The following RASA1 variants were observed in gnomAD, a reference collection of about 807,000 sequenced individuals.
RASA1 encodes the protein RAS p21 protein activator 1.
RASA1 carries 25 observed loss-of-function variants against 132.2 expected under a neutral mutation model. The ratio of observed to expected loss-of-function variants is 0.19; its 90% CI spans 0.14 to 0.26. The LOEUF (loss-of-function observed/expected upper bound fraction) is 0.26. Ranked by LOEUF, RASA1 falls within the 10% of genes least tolerant of loss-of-function variation. The probability of loss-of-function intolerance (pLI) is 1.00; values close to 1 mark genes in which losing one functional copy is unlikely to be tolerated. For synonymous variants in RASA1, 477 were observed against 449.9 expected (o/e 1.06, Z -0.76); for missense variants, 964 against 1,299.2 (o/e 0.74, Z 3.97).
intron 17 of RASA1, 106 bp from the exon 18 acceptor site, chr5:87,378,290 T>G: frequency 7.5e-7 from 1 of 1,337,176 alleles, no homozygotes; most frequent in East Asian, 2.3e-5. Context: ...AAAAGCACAT[T>G]TAAGTGGCTA....
chr5:87,311,442 A>G (rs1367885077), intron 1 of RASA1, among the ~76,000 whole-genome samples: 1 of 152,202 alleles, frequency 6.6e-6, no homozygotes, highest in Non-Finnish European at 1.5e-5. Context: ...GTGATTTTCT[A>G]GAAGGACTAA....
intron 9 of RASA1, among the ~76,000 whole-genome samples, chr5:87,357,180 C>T (rs970064980): frequency 7.9e-5 from 12 of 151,314 alleles, no homozygotes; most frequent in African/African-American, 2.2e-4. Context: ...TTTTTATTAC[C>T]GCAGAGTAAT....
At chr5:87,293,923 T>G (rs1411392470) in intron 1 of RASA1, among the ~76,000 whole-genome samples, 1 of 152,146 alleles carries the variant, frequency 6.6e-6, no homozygotes, top group Non-Finnish European at 1.5e-5. Context: ...AGTAAAGATC[T>G]TCTCTTTCAG....
At chr5:87,343,554 A>G (rs1160370955) in intron 6 of RASA1, among the ~76,000 whole-genome samples, 1 of 152,226 alleles carries the variant, frequency 6.6e-6, no homozygotes, top group Admixed American at 6.5e-5. Flanking sequence ...GCTTTTATCC[A>G]AAAGATAGGC....
At chr5:87,279,146 G>A (rs1754202723) in intron 1 of RASA1, among the ~76,000 whole-genome samples, 1 of 152,142 alleles carries the variant, frequency 6.6e-6, no homozygotes, top group Non-Finnish European at 1.5e-5. Context: ...AGGAGGCTGA[G>A]GTGGGAGGAT....
In RASA1 at chr5:87,268,333, T is replaced by G; in HGVS notation, c.-119T>G. On this transcript the variant is annotated 5_prime_UTR_variant, in exon 1 of 25. Coordinates refer to ENST00000274376, the MANE Select transcript of RASA1 (RefSeq NM_002890.3). The stretch of plus-strand genomic sequence containing the variant: ...CGGGCTCTCTCCTTTTGTTGTTGTT[T>G]CCTCAGCCTGGGGAGCTGAAGGGGA... 2.4e-6 allele frequency: 3 copies of G among 1,270,056 alleles called. No individual in the cohort carries two copies. Among genetic ancestry groups the G allele is most frequent in the Non-Finnish European group, 3.2e-6 (3 of 951,574 alleles). 78.7% of individuals were successfully genotyped at this position (1,270,056 alleles called of 1,614,324 possible).
At chr5:87,370,350 G>A (rs1243114390) in intron 12 of RASA1, among the ~76,000 whole-genome samples, 1 of 152,170 alleles carries the variant, frequency 6.6e-6, no homozygotes, top group African/African-American at 2.4e-5. Flanking sequence ...AAGCCAAGTC[G>A]AGATATAATG....
intron 1 of RASA1, among the ~76,000 whole-genome samples, chr5:87,329,378 G>T (rs544214475): frequency 3.3e-5 from 5 of 152,186 alleles, no homozygotes; most frequent in South Asian, 4.1e-4. Flanking sequence ...GGAGGTGGGG[G>T]TTGCAGTGAG....
intron 19 of RASA1, 67 bp downstream of exon 19, chr5:87,379,917 A>C: frequency 6.7e-7 from 1 of 1,494,098 alleles, no homozygotes; most frequent in Non-Finnish European, 9.3e-7. Flanking sequence ...TCTATTTCTA[A>C]AACGTGAAAG....
intron 11 of RASA1, 56 bp downstream of exon 11, chr5:87,363,560 C>G (rs766669419): frequency 3.0e-5 from 46 of 1,540,070 alleles, no homozygotes; most frequent in Non-Finnish European, 3.9e-5. Flanking sequence ...TAAAATAGTA[C>G]AAACAAAGCA....
intron 4 of RASA1, among the ~76,000 whole-genome samples, chr5:87,333,578 T>C (rs1486799448): frequency 6.6e-6 from 1 of 152,200 alleles, no homozygotes; most frequent in Non-Finnish European, 1.5e-5. Flanking sequence ...TTTATTCCAC[T>C]GTCTCTCACA....
rs541460196 is a variant in RASA1, at chr5:87,319,369, A to C, written c.540-11979A>C. Among the ~76,000 whole-genome samples, 14 of 152,328 alleles carry C rather than the reference A, an allele frequency of 9.2e-5. No individual in the cohort carries two copies. The East Asian group carries it at 2.3e-3, about 25-fold the overall frequency. Reference sequence around the variant, plus strand: ...TGCACTGCCCTAGTAGAGGGTCTCCATGAGGACTCTGGCCCTGTAGCGGAG... The same window carrying C: ...TGCACTGCCCTAGTAGAGGGTCTCCCTGAGGACTCTGGCCCTGTAGCGGAG... On this transcript the variant is annotated intron_variant, in intron 1 of 24. Coordinates refer to ENST00000274376, the MANE Select transcript of RASA1 (RefSeq NM_002890.3).
chr5:87,272,082 G>A (rs762262844), intron 1 of RASA1, among the ~76,000 whole-genome samples: 1 of 151,738 alleles, frequency 6.6e-6, no homozygotes. Context: ...CAGGGAGGGG[G>A]CGGTTGCAGT....
At chr5:87,269,407 A>C in intron 1 of RASA1, 1 of 1,197,732 alleles carries the variant, frequency 8.3e-7, no homozygotes, top group Non-Finnish European at 1.2e-6. Context: ...CAGGTGTTTA[A>C]ACGAGTACTA....
chr5:87,380,446 G>A, intron 19 of RASA1, 63 bp from the exon 20 acceptor site: 1 of 1,410,568 alleles, frequency 7.1e-7, no homozygotes, highest in South Asian at 1.1e-5. Flanking sequence ...TAAGCTTTTG[G>A]CTGCTAGGAG....
chr5:87,386,772 G>C (rs1427164435), intron 22 of RASA1, 54 bp from the exon 23 acceptor site: 10 of 1,496,176 alleles, frequency 6.7e-6, no homozygotes, highest in East Asian at 2.3e-5. Context: ...CAACCTAATA[G>C]ATCAAACAGT....
chr5:87,272,768 T>A (rs904534690), intron 1 of RASA1, among the ~76,000 whole-genome samples: 2 of 152,194 alleles, frequency 1.3e-5, no homozygotes, highest in Non-Finnish European at 2.9e-5. Flanking sequence ...ATATTAAGAA[T>A]TTTATTTTAA....
In RASA1 at chr5:87,390,933, A is replaced by G. The variant is rs769945333; in HGVS notation, c.*50A>G. On this transcript the variant is annotated 3_prime_UTR_variant, in exon 25 of 25. Transcript: ENST00000274376. ...TGGATTCAGCATGTCCAACATGGTAATTCACTTCAGTTTAATGTCTCCTTT... is the reference window on the plus strand; with the variant it reads ...TGGATTCAGCATGTCCAACATGGTAGTTCACTTCAGTTTAATGTCTCCTTT... The G allele has an allele frequency of 1.3e-6, 2 of 1,528,304 alleles. No homozygotes were observed. Among genetic ancestry groups the G allele is most frequent in the Non-Finnish European group, 1.8e-6 (2 of 1,102,722 alleles). The allele number at this position is 1,528,304 out of a possible 1,614,324, so 94.7% of individuals were successfully genotyped here. A position where few individuals can be genotyped will look rare whatever the true frequency, so the allele number is the denominator to read the frequency against.
chr5:87,307,235 T>G (rs1406778622), intron 1 of RASA1, among the ~76,000 whole-genome samples: 1 of 152,226 alleles, frequency 6.6e-6, no homozygotes, highest in African/African-American at 2.4e-5. Context: ...TTTCTTTTTT[T>G]CTGCATTACG....
Sources: allele counts gnomAD v4.1 joint callset (sites outside exome capture counted in the v4.1 genomes callset), GRCh38; gene constraint gnomAD v4.1.1; transcripts MANE v1.5; gene names NCBI Gene and HGNC (gene_info 2026-07-23, HGNC 2026-07-21).